Variants in DOCK9 observed in about 807,000 individuals in gnomAD.
The protein encoded by DOCK9 is dedicator of cytokinesis protein 9.
In DOCK9, 89 loss-of-function variants were observed where a neutral mutation model predicts 263.3. The observed-to-expected ratio is 0.34, with a 90% CI of 0.28 to 0.40. The LOEUF (loss-of-function observed/expected upper bound fraction) is 0.40, where lower values mean the gene tolerates loss of function less well. DOCK9 is among the 10% of genes least tolerant of loss of function. The probability of loss-of-function intolerance (pLI) is 1.00; values close to 1 mark genes in which losing one functional copy is unlikely to be tolerated. For synonymous variants in DOCK9, 976 were observed against 973.1 expected (o/e 1.00, Z -0.06); for missense variants, 2,140 against 2,603.4 (o/e 0.82, Z 3.87).
intron 1 of DOCK9, among the ~76,000 whole-genome samples, chr13:99,012,365 G>A (rs1884647158): frequency 6.6e-6 from 1 of 152,164 alleles, no homozygotes; most frequent in Non-Finnish European, 1.5e-5. Flanking sequence ...GACATCTAGG[G>A]TCTTCAGAAG....
At chr13:98,981,296 A>C (rs926904396), upstream of DOCK9, among the ~76,000 whole-genome samples, 3 of 152,142 alleles carry the variant, frequency 2.0e-5, no homozygotes, top group Non-Finnish European at 4.4e-5. Context: ...GGCTCAAGCG[A>C]TCCTCCCACC....
At chr13:98,860,555 G>T (rs538593542) in intron 32 of DOCK9, 33 bp from the exon 33 acceptor site, 2 of 1,528,210 alleles carry the variant, frequency 1.3e-6, no homozygotes, top group South Asian at 2.5e-5. Context: ...AACAATCAAA[G>T]ATGACTGGAA....
At chr13:98,841,312 G>T (rs1566676180) in intron 38 of DOCK9, among the ~76,000 whole-genome samples, 1 of 152,182 alleles carries the variant, frequency 6.6e-6, no homozygotes, top group Non-Finnish European at 1.5e-5. Flanking sequence ...GCATCTGAAA[G>T]TGGGACCTCA....
intron 1 of DOCK9, among the ~76,000 whole-genome samples, chr13:99,063,590 C>A (rs758551606): frequency 1.3e-5 from 2 of 152,236 alleles, no homozygotes; most frequent in Non-Finnish European, 2.9e-5. Flanking sequence ...CAACTACCAT[C>A]TTCACATACC....
chr13:98,873,586 C>T (rs1302902953), intron 27 of DOCK9, among the ~76,000 whole-genome samples: 1 of 152,218 alleles, frequency 6.6e-6, no homozygotes, highest in Admixed American at 6.5e-5. Context: ...GGCAGTGCAA[C>T]TTCTGGGTCA....
chr13:98,822,262 A>G (rs1340711326), intron 45 of DOCK9, among the ~76,000 whole-genome samples: 1 of 152,182 alleles, frequency 6.6e-6, no homozygotes. Context: ...TATTACTTAG[A>G]GGGGACTCCA....
chr13:98,945,236 G>A (rs968653108), intron 2 of DOCK9, among the ~76,000 whole-genome samples: 8 of 152,150 alleles, frequency 5.3e-5, no homozygotes, highest in South Asian at 2.1e-4. Flanking sequence ...TCTGATTGAC[G>A]TTTAGTAGGC....
chr13:99,081,771 C>G (rs2042128364), intron 1 of DOCK9, among the ~76,000 whole-genome samples: 1 of 152,222 alleles, frequency 6.6e-6, no homozygotes, highest in Non-Finnish European at 1.5e-5. Context: ...GGAATTCTTT[C>G]TAGCTTTTCT....
At chr13:98,910,954 T>G (rs998212477) in intron 9 of DOCK9, among the ~76,000 whole-genome samples, 2 of 152,092 alleles carry the variant, frequency 1.3e-5, no homozygotes, top group African/African-American at 4.8e-5. Context: ...CAGGTCAACT[T>G]CTTTGCCTTC....
intron 1 of DOCK9, among the ~76,000 whole-genome samples, chr13:99,001,020 T>G (rs1595875139): frequency 6.6e-6 from 1 of 152,130 alleles, no homozygotes; most frequent in Admixed American, 6.5e-5. Context: ...GGGGCTTCTG[T>G]GCATTTCCCC....
chr13:98,864,680 G>A (rs551371005), intron 30 of DOCK9, among the ~76,000 whole-genome samples: 65 of 152,316 alleles, frequency 4.3e-4, no homozygotes, highest in Admixed American at 2.2e-3. Flanking sequence ...CTATGGTTGT[G>A]TGTATGAATG....
chr13:99,085,755 T>C (rs1218367132), intron 1 of DOCK9, among the ~76,000 whole-genome samples: 2 of 149,448 alleles, frequency 1.3e-5, no homozygotes, highest in East Asian at 4.0e-4. Context: ...AGCAGGGGCA[T>C]CTCCCACCCT....
intron 1 of DOCK9, among the ~76,000 whole-genome samples, chr13:98,957,041 T>C (rs868841111): frequency 6.6e-6 from 1 of 152,240 alleles, no homozygotes; most frequent in Admixed American, 6.5e-5. Context: ...TCTAACCAAT[T>C]TTATTCGAGT....
chr13:98,989,340 GATGATGATAATA>G (rs1428968049), intron 1 of DOCK9, among the ~76,000 whole-genome samples: 11 of 127,736 alleles, frequency 8.6e-5, no homozygotes, highest in African/African-American at 2.7e-4. Flanking sequence ...TGATGATGAT[GATGATGATAATA>G]ATAATAATAA....
At chr13:99,017,627 C>T (rs531578938) in intron 1 of DOCK9, among the ~76,000 whole-genome samples, 28 of 152,234 alleles carry the variant, frequency 1.8e-4, no homozygotes, top group African/African-American at 6.7e-4. Flanking sequence ...GTGTTTAAAA[C>T]AAGAGTCTAA....
intron 1 of DOCK9, among the ~76,000 whole-genome samples, chr13:99,016,767 A>G (rs1885468727): frequency 1.3e-5 from 2 of 152,258 alleles, no homozygotes; most frequent in Admixed American, 6.5e-5. Flanking sequence ...CCCAGCCACA[A>G]TATGTAACTA....
chr13:98,921,209 T>G (rs2140073494), intron 6 of DOCK9, 121 bp from the exon 7 acceptor site: 3 of 1,011,170 alleles, frequency 3.0e-6, no homozygotes, highest in Non-Finnish European at 2.8e-6. Flanking sequence ...CTCTAGCTGA[T>G]GCTCCAGGTC....
At chr13:99,048,678 T>C (rs1310875726) in intron 1 of DOCK9, among the ~76,000 whole-genome samples, 2 of 152,244 alleles carry the variant, frequency 1.3e-5, no homozygotes, top group African/African-American at 2.4e-5. Context: ...CTTTCTGCTA[T>C]GACAAATGGG....
chr13:99,047,146 T>C (rs2040472687), intron 1 of DOCK9, among the ~76,000 whole-genome samples: 1 of 152,234 alleles, frequency 6.6e-6, no homozygotes, highest in South Asian at 2.1e-4. Flanking sequence ...CTTTTCCTCA[T>C]GGTAAAGTTT....
Sources: gnomAD v4.1 joint callset for allele counts (sites outside exome capture counted in the v4.1 genomes callset) on GRCh38, gnomAD v4.1.1 for gene constraint, MANE v1.5 for transcripts, NCBI Gene and HGNC (gene_info 2026-07-23, HGNC 2026-07-21) for gene names.